CDC42SE2: variants seen among roughly 807,000 people sequenced by gnomAD.
CDC42SE2 encodes CDC42 small effector protein 2.
CDC42SE2 carries 3 observed loss-of-function variants against 11.5 expected under a neutral mutation model. The observed-to-expected ratio is 0.26, with a 90% confidence interval of 0.12 to 0.67. The LOEUF is 0.67. Ranked by LOEUF, CDC42SE2 falls within the 30% of genes least tolerant of loss-of-function variation. The pLI, the probability that CDC42SE2 is intolerant of heterozygous loss-of-function variation, is 0.80. For synonymous variants in CDC42SE2, 33 were observed against 34.8 expected, an observed-to-expected ratio of 0.95 and a Z score of 0.18; for missense variants, 82 against 106.8, an observed-to-expected ratio of 0.77 and a Z score of 1.02.
chr5:131,375,807 TTAACA>T lies in CDC42SE2; in HGVS notation c.55-9733_55-9729del, dbSNP rs1279313922. Among the ~76,000 whole-genome samples the T allele has an allele frequency of 5.3e-5, 8 of 152,366 alleles. No individual in the cohort carries two copies. In the South Asian group the frequency reaches 1.7e-3, roughly 32 times the overall value. ...ACCTTGTTTCTCTTTCATTTGTCCC[TTAACA>T]TATTAGAGATTTTTTTGTCATATTC... On this transcript the variant is annotated intron_variant, in intron 3 of 4. Coordinates refer to ENST00000505065, the MANE Select transcript of CDC42SE2 (RefSeq NM_001375635.1).
At chr5:131,299,401 T>C (rs1757635395) in intron 1 of CDC42SE2, among the ~76,000 whole-genome samples, 1 of 152,090 alleles carries the variant, frequency 6.6e-6, no homozygotes, top group Admixed American at 6.6e-5. Context: ...GAGAAACAGA[T>C]TGGACAAATA....
the CDC42SE2 span, among the ~76,000 whole-genome samples, chr5:131,216,832 A>C: frequency 6.0e-3 from 920 of 152,296 alleles, 10 homozygotes; most frequent in African/African-American, 0.021. Flanking sequence ...TTTATACTAC[A>C]TTAATCCTTC....
intron 3 of CDC42SE2, among the ~76,000 whole-genome samples, 154 bp from the exon 4 acceptor site, chr5:131,385,389 T>G (rs1286819796): frequency 6.6e-6 from 1 of 152,218 alleles, no homozygotes; most frequent in Non-Finnish European, 1.5e-5. Context: ...ATATTTGTCT[T>G]GGGGATTTCA....
At chr5:131,230,037 C>T in the CDC42SE2 span, among the ~76,000 whole-genome samples, 1 of 152,124 alleles carries the variant, frequency 6.6e-6, no homozygotes, top group Non-Finnish European at 1.5e-5. Flanking sequence ...CCTTTCTTTT[C>T]ATTTAAGAAA....
the CDC42SE2 span, among the ~76,000 whole-genome samples, chr5:131,223,839 T>G: frequency 6.6e-6 from 1 of 152,222 alleles, no homozygotes; most frequent in African/African-American, 2.4e-5. Flanking sequence ...TGTCTTGAAC[T>G]GGCCCCAATA....
At chr5:131,245,936 T>C (rs1230756271) in intron 1 of CDC42SE2, among the ~76,000 whole-genome samples, 1 of 152,222 alleles carries the variant, frequency 6.6e-6, no homozygotes, top group East Asian at 1.9e-4. Context: ...TTTGCTGCAG[T>C]TTCTCCATCT....
the CDC42SE2 span, among the ~76,000 whole-genome samples, chr5:131,213,678 T>C: frequency 6.6e-3 from 1,010 of 152,300 alleles, 16 homozygotes; most frequent in African/African-American, 0.023. Context: ...CTTGAACTCC[T>C]GACCTCAAGT....
the CDC42SE2 span, among the ~76,000 whole-genome samples, chr5:131,225,392 T>C: frequency 3.3e-5 from 5 of 152,156 alleles, no homozygotes; most frequent in African/African-American, 1.2e-4. Flanking sequence ...TTTATGACTG[T>C]CCTAAAAGAA....
At chr5:131,220,409 G>A in the CDC42SE2 span, among the ~76,000 whole-genome samples, 1 of 152,098 alleles carries the variant, frequency 6.6e-6, no homozygotes. Flanking sequence ...GTTTCACCGT[G>A]TTAGCCAGGA....
chr5:131,326,480 G>C (rs1193142878), intron 2 of CDC42SE2, among the ~76,000 whole-genome samples: 1 of 152,072 alleles, frequency 6.6e-6, no homozygotes, highest in African/African-American at 2.4e-5. Context: ...ACCTATCTGT[G>C]TATATGCTAT....
At chr5:131,240,438 C>T in the CDC42SE2 span, among the ~76,000 whole-genome samples, 2 of 152,160 alleles carry the variant, frequency 1.3e-5, no homozygotes, top group Non-Finnish European at 2.9e-5. Context: ...AAACATAACT[C>T]TTAGCCTTCT....
chr5:131,234,690 G>A, the CDC42SE2 span, among the ~76,000 whole-genome samples: 1 of 151,744 alleles, frequency 6.6e-6, no homozygotes, highest in Admixed American at 6.6e-5. Flanking sequence ...GAGAAGATTT[G>A]TTATGGGAAT....
At position 131,320,606 on chromosome 5, in the gene CDC42SE2, G is replaced by A. The variant is rs149114422; in HGVS notation, c.-286+4462G>A. Among the ~76,000 whole-genome samples, 738 of 152,050 alleles carry A rather than the reference G, an allele frequency of 4.9e-3. 4 individuals are homozygous for A. The highest frequency in any genetic ancestry group is 0.016 in the African/African-American group (677 of 41,452). ...AAAATACAAAAATTAGCCAGGCATGGTGGCGCATGCTTGTAATCTCAGCTA... is the reference window on the plus strand; with the variant it reads ...AAAATACAAAAATTAGCCAGGCATGATGGCGCATGCTTGTAATCTCAGCTA... On this transcript the variant is annotated intron_variant, in intron 2 of 4. Coordinates refer to ENST00000505065, the MANE Select transcript of CDC42SE2 (RefSeq NM_001375635.1).
intron 1 of CDC42SE2, among the ~76,000 whole-genome samples, chr5:131,270,579 T>G (rs2149693267): frequency 6.6e-6 from 1 of 152,266 alleles, no homozygotes; most frequent in South Asian, 2.1e-4. Context: ...TTGGTAAGGT[T>G]TAAGCAAAAT....
intron 1 of CDC42SE2, among the ~76,000 whole-genome samples, chr5:131,270,635 T>C (rs1756974468): frequency 1.3e-5 from 2 of 152,224 alleles, no homozygotes; most frequent in South Asian, 4.1e-4. Flanking sequence ...GACTAAGTCT[T>C]TCTCTGCTTC....
chr5:131,383,385 AAGAC>A (rs893282833), intron 3 of CDC42SE2, among the ~76,000 whole-genome samples: 2 of 152,354 alleles, frequency 1.3e-5, no homozygotes, highest in South Asian at 2.1e-4. Flanking sequence ...AGGGCCCCAA[AAGAC>A]AGACAGTTTC....
chr5:131,235,005 C>T, the CDC42SE2 span, among the ~76,000 whole-genome samples: 1 of 151,370 alleles, frequency 6.6e-6, no homozygotes, highest in Non-Finnish European at 1.5e-5. Flanking sequence ...TCTCCTGCCT[C>T]AGCCTCCTGA....
intron 2 of CDC42SE2, among the ~76,000 whole-genome samples, chr5:131,356,276 T>G (rs1749541815): frequency 6.6e-6 from 1 of 152,346 alleles, no homozygotes; most frequent in Non-Finnish European, 1.5e-5. Flanking sequence ...TTTAAAATGG[T>G]CATGTTTTAA....
intron 2 of CDC42SE2, among the ~76,000 whole-genome samples, chr5:131,334,264 G>A (rs1326875899): frequency 3.3e-5 from 5 of 152,136 alleles, no homozygotes; most frequent in South Asian, 4.1e-4. Context: ...GCTGGATTAC[G>A]TTTATTGATT....
Sources: allele counts gnomAD v4.1 joint callset (sites outside exome capture counted in the v4.1 genomes callset), GRCh38; gene constraint gnomAD v4.1.1; transcripts MANE v1.5; gene names NCBI Gene and HGNC (gene_info 2026-07-23, HGNC 2026-07-21).